Variants in ZNF470 observed in about 807,000 individuals in gnomAD.
ZNF470 encodes chondrogenesis zinc finger protein 1.
In ZNF470, 13 loss-of-function variants were observed where a neutral mutation model predicts 13.9. That is an observed-to-expected ratio of 0.94 (90% confidence interval 0.61 to 1.49). The LOEUF (loss-of-function observed/expected upper bound fraction) is 1.49, where lower values mean the gene tolerates loss of function less well. Among genes scored for constraint, ZNF470 ranks in the 40% most tolerant of loss-of-function variants. ZNF470 has a pLI of 0.00. For missense variants in ZNF470, 929 were observed against 857.3 expected (o/e 1.08, Z -1.04); for synonymous variants, 293 against 282.9 (o/e 1.04, Z -0.36).
chr19:56,581,100 TG>T lies in ZNF470; in HGVS notation c.*2518del. On this transcript the variant is annotated 3_prime_UTR_variant, in exon 6 of 6. Coordinates refer to ENST00000330619, the MANE Select transcript of ZNF470 (RefSeq NM_001001668.4). Reference sequence around the variant, plus strand: ...CATAGTCAATAGATAAATGAGAGACTGACACAAAGTGTTTGCAACAGATATA... The same window carrying T: ...CATAGTCAATAGATAAATGAGAGACTACACAAAGTGTTTGCAACAGATATA... The T allele has an allele frequency of 1.0e-6, 1 of 971,152 alleles. No homozygotes were observed. Among genetic ancestry groups the T allele is most frequent in the Non-Finnish European group, 1.2e-6 (1 of 816,996 alleles). The allele number at this position is 971,152 out of a possible 1,614,324, so 60.2% of individuals were successfully genotyped here.
chr19:56,581,948 A>T lies in ZNF470; in HGVS notation c.*3365A>T. On this transcript the variant is annotated 3_prime_UTR_variant, in exon 6 of 6. Transcript: ENST00000330619. Reference sequence around the variant, plus strand: ...GGTTTTTGTACTTTCCAAGTCTGTGATTCCTCAAACTACCCATTGTCTTTC... The same window carrying T: ...GGTTTTTGTACTTTCCAAGTCTGTGTTTCCTCAAACTACCCATTGTCTTTC... The T allele has an allele frequency of 1.0e-6, 1 of 985,410 alleles. No homozygotes were observed. The highest frequency in any genetic ancestry group is 1.2e-6 in the Non-Finnish European group (1 of 829,930). The allele number at this position is 985,410 out of a possible 1,614,324, so 61.0% of individuals were successfully genotyped here.
chr19:56,578,013 G>A lies in ZNF470; in HGVS notation c.1584G>A (p.Gln528=), dbSNP rs2044505191. The A allele has an allele frequency of 6.2e-7, 1 of 1,613,370 alleles. No individual in the cohort carries two copies. Among genetic ancestry groups the A allele is most frequent in the East Asian group, 2.2e-5 (1 of 44,866 alleles). The part of the protein sequence containing the change: ...FSQNAHLAQH[Q]KIHTGEKPYE... ...AGAATGCACACCTCGCGCAACATCA[G>A]AAAATACACACTGGGGAGAAACCTT... Residue 528 remains glutamine, a synonymous_variant, in exon 6 of 6, where the codon CAG becomes CAA. Transcript: ENST00000330619.
rs2044493724 is a variant in ZNF470 at position 56,577,047 on chromosome 19, G to T, written c.618G>T (p.Lys206Asn). 1 of 1,588,318 alleles carries T rather than the reference G, an allele frequency of 6.3e-7. No homozygotes were observed. The highest frequency in any genetic ancestry group is 1.2e-5 in the South Asian group (1 of 86,710). Residue 206 changes from lysine (K) to asparagine (N), a missense_variant, in exon 6 of 6, where the codon AAG becomes AAT. Lys to Asn is a moderately conservative substitution (Grantham distance 94). Transcript: ENST00000330619. ...GAATATTTAATTTTCATACAGATAA[G>T]AAAAGCTTAAAAACACATTCAGTTG... ...EERIFNFHTD[K>N]KSLKTHSVVK... is the part of the protein sequence containing the mutation.
In ZNF470 at chr19:56,577,219, G is replaced by T; in HGVS notation, c.790G>T (p.Ala264Ser). The T allele has an allele frequency of 6.2e-7, 1 of 1,612,070 alleles. No homozygotes were observed. The highest frequency in any genetic ancestry group is 8.5e-7 in the Non-Finnish European group (1 of 1,179,172). The stretch of plus-strand genomic sequence containing the variant: ...CTATGAATGTATTGAATGTGGAAAG[G>T]CCTTTAGCCAGAGTGCCCACCTTGC... Reference protein sequence around the residue: ...KPYECIECGKAFSQSAHLAQH... With the variant: ...KPYECIECGKSFSQSAHLAQH... The change falls in exon 6 of 6, where the codon GCC becomes TCC. Residue 264 changes from alanine (A) to serine (S), a missense_variant. Ala to Ser is a moderately conservative substitution (Grantham distance 99). Coordinates refer to ENST00000330619, the MANE Select transcript of ZNF470 (RefSeq NM_001001668.4).
In ZNF470 at chr19:56,574,534, C is replaced by T. The variant is rs1568494576; in HGVS notation, c.187+14C>T. On this transcript the variant is annotated intron_variant, in intron 4 of 5. Coordinates refer to ENST00000330619, the MANE Select transcript of ZNF470 (RefSeq NM_001001668.4). ...TAGTTTCAGTGGGTAAGAGTATCTT[C>T]CTCCTGTTGCCTCCCCATGACTCAG... 6.2e-7 allele frequency: 1 copy of T among 1,613,258 alleles called. No homozygotes were observed. Among genetic ancestry groups the T allele is most frequent in the Non-Finnish European group, 8.5e-7 (1 of 1,179,484 alleles).
At position 56,581,718 on chromosome 19, in the gene ZNF470, C is replaced by G. The variant is rs2044537358; in HGVS notation, c.*3135C>G. On this transcript the variant is annotated 3_prime_UTR_variant, in exon 6 of 6. Transcript: ENST00000330619. ...ATAGTAGGCATTTGTTTTTCTCTGCCCAGTTTCCCTTGCCTCCTCCTTTTG... is the reference window on the plus strand; with the variant it reads ...ATAGTAGGCATTTGTTTTTCTCTGCGCAGTTTCCCTTGCCTCCTCCTTTTG... 1.0e-6 allele frequency: 1 copy of G among 985,106 alleles called. No homozygotes were observed. Among genetic ancestry groups the G allele is most frequent in the Admixed American group, 6.2e-5 (1 of 16,248 alleles). 61.0% of individuals were successfully genotyped at this position (985,106 alleles called of 1,614,324 possible).
Position 56,577,833 on chromosome 19 carries a change from T to C in ZNF470, c.1404T>C (p.Leu468=). 6.2e-7 allele frequency: 1 copy of C among 1,613,836 alleles called. No individual in the cohort carries two copies. The highest frequency in any genetic ancestry group is 1.1e-5 in the South Asian group (1 of 91,058). ...CEKAFSHRGS[L]TLHQRVHTGE... ...AAGCCTTCAGCCATCGTGGGTCTCT[T>C]ACTCTTCATCAGAGAGTTCATACTG... is the stretch of plus-strand genomic sequence containing the variant. Residue 468 remains leucine (L), a synonymous_variant, in exon 6 of 6, where the codon CTT becomes CTC. Transcript: ENST00000330619.
intron 2 of ZNF470, 192 bp from the exon 3 acceptor site, chr19:56,570,088 A>G: frequency 1.9e-6 from 1 of 518,838 alleles, no homozygotes; most frequent in South Asian, 2.6e-5. Context: ...TATTATGCTC[A>G]TCCTGAAAAC....
At position 56,577,428 on chromosome 19, in the gene ZNF470, C is replaced by T; in HGVS notation, c.999C>T (p.Val333=). The change falls in exon 6 of 6, where the codon GTC becomes GTT. Residue 333 remains valine (V), a synonymous_variant. Transcript: ENST00000330619. The part of the protein sequence containing the change: ...QLAHLAQHQR[V]HTGEKPYECI... ...CACACCTTGCTCAACATCAGAGGGT[C>T]CACACTGGAGAGAAACCCTATGAAT... 2.5e-6 allele frequency: 4 copies of T among 1,613,366 alleles called. 1 individual carries two copies. In the South Asian group the frequency reaches 4.4e-5, roughly 18 times the overall value.
At position 56,581,904 on chromosome 19, in the gene ZNF470, T is replaced by C. The variant is rs1415575260; in HGVS notation, c.*3321T>C. The C allele has an allele frequency of 1.1e-5, 11 of 985,330 alleles. No homozygotes were observed. Among genetic ancestry groups the C allele is most frequent in the Non-Finnish European group, 1.3e-5 (11 of 829,948 alleles). 61.0% of individuals were successfully genotyped at this position (985,330 alleles called of 1,614,324 possible). On this transcript the variant is annotated 3_prime_UTR_variant, in exon 6 of 6. Transcript: ENST00000330619. ...AAGCTGATGCAGTTATTCTTTTGAT[T>C]GGTCCTTGGAACCACCCTGGTTTTT...
intron 1 of ZNF470, 59 bp downstream of exon 1, chr19:56,568,097 G>A: frequency 8.1e-6 from 8 of 985,910 alleles, no homozygotes; most frequent in Non-Finnish European, 9.6e-6. Context: ...TTTGGGTGCT[G>A]TCTTTCGGGG....
intron 5 of ZNF470, among the ~76,000 whole-genome samples, chr19:56,575,355 G>T (rs2044481313): frequency 6.6e-6 from 1 of 151,906 alleles, no homozygotes; most frequent in East Asian, 1.9e-4. Context: ...AAAAGATGAA[G>T]AAATTAGCTC....
At position 56,568,004 on chromosome 19, in the gene ZNF470, G is replaced by A; in HGVS notation, c.-193G>A. On this transcript the variant is annotated 5_prime_UTR_variant, in exon 1 of 6. Transcript: ENST00000330619. ...GACAGGGCTCCATGTCCACAGGACG[G>A]CGAGGAGCGAAGACCATGGGGACTG... 1 of 985,612 alleles carries A rather than the reference G, an allele frequency of 1.0e-6. No individual in the cohort carries two copies. Among genetic ancestry groups the A allele is most frequent in the Non-Finnish European group, 1.2e-6 (1 of 830,052 alleles). The allele number at this position is 985,612 out of a possible 1,614,324, so 61.1% of individuals were successfully genotyped here.
chr19:56,568,360 A>T (rs1157857972), intron 1 of ZNF470, among the ~76,000 whole-genome samples: 1 of 152,178 alleles, frequency 6.6e-6, no homozygotes, highest in Non-Finnish European at 1.5e-5. Context: ...TGTTGAAGGA[A>T]TAGCTCAGCA....
chr19:56,573,457 C>G (rs1255484524), intron 3 of ZNF470, among the ~76,000 whole-genome samples: 1 of 152,112 alleles, frequency 6.6e-6, no homozygotes, highest in African/African-American at 2.4e-5. Context: ...CTGATTTATT[C>G]AAAACTGGTA....
intron 3 of ZNF470, 37 bp downstream of exon 3, chr19:56,570,408 T>G (rs2044443863): frequency 6.2e-7 from 1 of 1,605,330 alleles, no homozygotes; most frequent in Non-Finnish European, 8.5e-7. Context: ...CTAAAATAGT[T>G]TTGCTTTTCT....
At position 56,578,079 on chromosome 19, in the gene ZNF470, A is replaced by G. The variant is rs2044506053; in HGVS notation, c.1650A>G (p.Ala550=). ...GTGGTAAGGCCTTCAGTCAGATTGCACACCTTGTTCAGCACCAGAGAGTTC... is the reference window on the plus strand; with the variant it reads ...GTGGTAAGGCCTTCAGTCAGATTGCGCACCTTGTTCAGCACCAGAGAGTTC... The part of the protein sequence containing the change: ...KECGKAFSQI[A]HLVQHQRVHT... Residue 550 remains alanine, a synonymous_variant, in exon 6 of 6, where the codon GCA becomes GCG. Transcript: ENST00000330619. 2 of 1,613,798 alleles carry G rather than the reference A, an allele frequency of 1.2e-6. No homozygotes were observed. The highest frequency in any genetic ancestry group is 2.2e-5 in the East Asian group (1 of 44,866).
At chr19:56,576,566 G>T in intron 5 of ZNF470, 147 bp from the exon 6 acceptor site, 2 of 516,026 alleles carry the variant, frequency 3.9e-6, no homozygotes, top group South Asian at 1.4e-4. Context: ...AAGGATGGTT[G>T]TATCACCTAA....
chr19:56,578,005 C>T lies in ZNF470; in HGVS notation c.1576C>T (p.Gln526Ter). 5 of 1,613,330 alleles carry T rather than the reference C, an allele frequency of 3.1e-6. No homozygotes were observed. The highest frequency in any genetic ancestry group is 4.2e-6 in the Non-Finnish European group (5 of 1,179,460). ...CTTCAGCCAGAATGCACACCTCGCG[C>T]AACATCAGAAAATACACACTGGGGA... ...KTFSQNAHLA[Q>*]HQKIHTGEKP... The change falls in exon 6 of 6, where the codon CAA (glutamine) becomes TAA (stop). Residue 526 changes from glutamine (Q) to a stop codon, truncating the protein, a stop_gained. Coordinates refer to ENST00000330619, the MANE Select transcript of ZNF470 (RefSeq NM_001001668.4). LOFTEE classifies it low-confidence loss of function (END_TRUNC).
Sources: allele counts gnomAD v4.1 joint callset (sites outside exome capture counted in the v4.1 genomes callset), GRCh38; gene constraint gnomAD v4.1.1; transcripts MANE v1.5; gene names NCBI Gene and HGNC (gene_info 2026-07-23, HGNC 2026-07-21).